The following NEURL4 variants were observed in gnomAD, a reference collection of about 807,000 sequenced individuals.
The protein encoded by NEURL4 is neuralized E3 ubiquitin protein ligase 4.
In NEURL4, 45 loss-of-function variants were observed where a neutral mutation model predicts 148.0. The ratio of observed to expected loss-of-function variants is 0.30; its 90% confidence interval spans 0.24 to 0.39. The LOEUF is 0.39. Among genes scored for constraint, NEURL4 ranks in the 10% least tolerant of loss-of-function variants. The pLI, the probability that NEURL4 is intolerant of heterozygous loss-of-function variation, is 1.00. For missense variants in NEURL4, 1,776 were observed against 2,144.0 expected (o/e 0.83, Z 3.39); for synonymous variants, 854 against 869.0 (o/e 0.98, Z 0.30).
chr17:7,318,145 G>A lies in NEURL4; in HGVS notation c.3980C>T (p.Pro1327Leu), dbSNP rs762925844. Residue 1327 changes from proline to leucine, a missense_variant, in exon 25 of 29, where the codon CCA (proline) becomes CTA (leucine). Physicochemically the swap from Pro to Leu is moderately conservative, Grantham distance 98. Coordinates refer to ENST00000399464, the MANE Select transcript of NEURL4 (RefSeq NM_032442.3). This position sits in a 1 kb window ranked among gnomAD's most constrained non-coding sequence, Gnocchi z 4.3. ...CTTTAGAGGACTAGCGGCAGGTGGTGGACCCCAGCACACACTCTCTTTGAT... is the reference window on the plus strand; with the variant it reads ...CTTTAGAGGACTAGCGGCAGGTGGTAGACCCCAGCACACACTCTCTTTGAT... ...DGIKESVCWG[P>L]PPAASPLKSC... 5 of 1,614,148 alleles carry A rather than the reference G, an allele frequency of 3.1e-6. No homozygotes were observed. The highest frequency in any genetic ancestry group is 1.1e-5 in the South Asian group (1 of 91,082).
rs764529606 is a variant in NEURL4, at chr17:7,326,425, C to G, written c.1204+12G>C. 2.5e-6 allele frequency: 4 copies of G among 1,613,636 alleles called. No homozygotes were observed. The highest frequency in any genetic ancestry group is 2.5e-6 in the Non-Finnish European group (3 of 1,179,546). ...CCAGGCCTGCACCCCCGCCCCTGCC[C>G]GGGGCTGGTACCTGACTGGAGGTTG... On this transcript the variant is annotated intron_variant, in intron 5 of 28. Coordinates refer to ENST00000399464, the MANE Select transcript of NEURL4 (RefSeq NM_032442.3). The surrounding 1 kb of genome is among the most constrained non-coding windows in gnomAD (Gnocchi z 6.0).
rs1477982297 is a variant in NEURL4 at position 7,318,640 on chromosome 17, C to T, written c.3719G>A (p.Cys1240Tyr). The change falls in exon 23 of 29, where the codon TGC becomes TAC. Residue 1240 changes from cysteine to tyrosine, a missense_variant. By Grantham distance (194) the Cys-to-Tyr change is radical (BLOSUM62 -2). Transcript: ENST00000399464. The surrounding 1 kb of genome is among the most constrained non-coding windows in gnomAD (Gnocchi z 4.3). ...CEKFGPNLDT[C>Y]PEGTILGLRL... ...CAGTCCCAGGATGGTGCCTTCAGGG[C>T]ACGTGTCCAGATTGGGCCCAAACTT... 4 of 1,612,776 alleles carry T rather than the reference C, an allele frequency of 2.5e-6. No individual in the cohort carries two copies. Among genetic ancestry groups the T allele is most frequent in the Non-Finnish European group, 3.4e-6 (4 of 1,179,334 alleles).
In NEURL4 at chr17:7,325,326, C is replaced by A. The variant is rs768354079; in HGVS notation, c.1514G>T (p.Gly505Val). ...GGCAGGGGCAGCACGGCGGAGAGCACCCTCGGGGGACAGCGCCCGCAGGAT... is the reference window on the plus strand; with the variant it reads ...GGCAGGGGCAGCACGGCGGAGAGCAACCTCGGGGGACAGCGCCCGCAGGAT... ...NAILRALSPE[G>V]ALRRAAPAAQ... The change falls in exon 8 of 29, where the codon GGT becomes GTT. Residue 505 changes from glycine (G) to valine (V), a missense_variant. By Grantham distance (109) the Gly-to-Val change is moderately radical (BLOSUM62 -3). Transcript: ENST00000399464. 6.2e-7 allele frequency: 1 copy of A among 1,613,340 alleles called. No homozygotes were observed. The highest frequency in any genetic ancestry group is 1.1e-5 in the South Asian group (1 of 91,066).
At chr17:7,316,790 T>C (rs1323303641) in intron 28 of NEURL4, among the ~76,000 whole-genome samples, 1 of 152,036 alleles carries the variant, frequency 6.6e-6, no homozygotes, top group African/African-American at 2.4e-5. Context: ...GGCTTGGTGG[T>C]GCGTGCCTGT....
Position 7,327,923 on chromosome 17 carries a change from ACC to A in NEURL4, c.283-41_283-40del. ...ATTGGACAGAGGCTTAGAATGGGCC[ACC>A]CCCCATTCCACAGGCCACCATATCT... On this transcript the variant is annotated intron_variant, in intron 1 of 28. Transcript: ENST00000399464. The surrounding 1 kb of genome is among the most constrained non-coding windows in gnomAD (Gnocchi z 6.6). 1 of 1,468,180 alleles carries A rather than the reference ACC, an allele frequency of 6.8e-7. No individual in the cohort carries two copies. Among genetic ancestry groups the A allele is most frequent in the Non-Finnish European group, 9.2e-7 (1 of 1,087,870 alleles). The allele number at this position is 1,468,180 out of a possible 1,614,324, so 90.9% of individuals were successfully genotyped here.
intron 21 of NEURL4, among the ~76,000 whole-genome samples, chr17:7,319,990 C>A (rs1393770438): frequency 1.4e-5 from 2 of 147,354 alleles, no homozygotes; most frequent in Admixed American, 6.8e-5. Context: ...CCACCACGCC[C>A]GGCTAATTTT....
In NEURL4 at chr17:7,324,639, C is replaced by T. The variant is rs1597637205; in HGVS notation, c.1814-159G>A. Among the ~76,000 whole-genome samples the T allele has an allele frequency of 1.3e-5, 2 of 152,350 alleles. 1 individual carries two copies. The highest frequency in any genetic ancestry group is 4.1e-4 in the South Asian group (2 of 4,834). On this transcript the variant is annotated intron_variant, in intron 9 of 28. Transcript: ENST00000399464. The surrounding 1 kb of genome is among the most constrained non-coding windows in gnomAD (Gnocchi z 5.9). Reference sequence around the variant, plus strand: ...GCAGGACAAGAAAACTCTGCAGCTTCCAAGACAGCCACAGCCCTGCCCACG... The same window carrying T: ...GCAGGACAAGAAAACTCTGCAGCTTTCAAGACAGCCACAGCCCTGCCCACG...
rs769044609 is a variant in NEURL4 at position 7,326,584 on chromosome 17, G to A, written c.1093-36C>T. 12 of 1,609,832 alleles carry A rather than the reference G, an allele frequency of 7.5e-6. No individual in the cohort carries two copies. Among genetic ancestry groups the A allele is most frequent in the Middle Eastern group, 1.6e-4 (1 of 6,082 alleles). On this transcript the variant is annotated intron_variant, in intron 4 of 28. Transcript: ENST00000399464. The surrounding 1 kb of genome is among the most constrained non-coding windows in gnomAD (Gnocchi z 6.0). The stretch of plus-strand genomic sequence containing the variant: ...GGGACAGAAGGGAGAAGCAGGGAAT[G>A]TAAATGCAGAAAGGGACCTTCAGCC...
intron 14 of NEURL4, 102 bp from the exon 15 acceptor site, chr17:7,323,225 G>C: frequency 7.6e-7 from 1 of 1,320,672 alleles, no homozygotes; most frequent in Non-Finnish European, 1.1e-6. Flanking sequence ...TCTTGGGCTG[G>C]TGTCTTGATC....
Position 7,319,374 on chromosome 17 carries a change from CTTTTT to C in NEURL4, c.3526-171_3526-167del, listed in dbSNP as rs374281551. 6.3e-4 allele frequency among the ~76,000 whole-genome samples: 72 copies of C among 113,920 alleles called. No homozygotes were observed. The East Asian group carries it at 7.5e-3, about 12-fold the overall frequency. The allele number at this position is 113,920 out of a possible 152,430, so 74.7% of individuals were successfully genotyped here. A position where few individuals can be genotyped will look rare whatever the true frequency, so the allele number is the denominator to read the frequency against. On this transcript the variant is annotated intron_variant, in intron 21 of 28. Coordinates refer to ENST00000399464, the MANE Select transcript of NEURL4 (RefSeq NM_032442.3). ...CGCTAATTTAGTTGTTTCTTTCCCTCTTTTTTTTTTTTTTTTTTTTTTTTTTTTTA... is the reference window on the plus strand; with the variant it reads ...CGCTAATTTAGTTGTTTCTTTCCCTCTTTTTTTTTTTTTTTTTTTTTTTTA...
Position 7,326,846 on chromosome 17 carries a change from G to C in NEURL4, c.957C>G (p.Leu319=), listed in dbSNP as rs1345856335. The change falls in exon 4 of 29, where the codon CTC becomes CTG. Residue 319 remains leucine (L), a synonymous_variant. Coordinates refer to ENST00000399464, the MANE Select transcript of NEURL4 (RefSeq NM_032442.3). This position sits in a 1 kb window ranked among gnomAD's most constrained non-coding sequence, Gnocchi z 6.0. ...SPILTSNDAL[L]FHEKCGTLIK... ...TGAGGGTCCCGCACTTTTCATGAAA[G>C]AGCAGGGCATCGTTGGAAGTGAGAA... 1 of 1,613,934 alleles carries C rather than the reference G, an allele frequency of 6.2e-7. No homozygotes were observed. Among genetic ancestry groups the C allele is most frequent in the South Asian group, 1.1e-5 (1 of 91,066 alleles).
Position 7,317,530 on chromosome 17 carries a change from G to A in NEURL4, c.4249C>T (p.His1417Tyr). ...LEAGTLTKKW[H>Y]MAYHGSNVAA... ...ACATTGCTCCCGTGATATGCCATGTGCCACTTCTTGGTTAGTGTCCCAGCC... is the reference window on the plus strand; with the variant it reads ...ACATTGCTCCCGTGATATGCCATGTACCACTTCTTGGTTAGTGTCCCAGCC... Residue 1417 changes from histidine (H) to tyrosine (Y), a missense_variant, in exon 27 of 29, where the codon CAC becomes TAC. Physicochemically the swap from His to Tyr is moderately conservative, Grantham distance 83 (BLOSUM62 2). Coordinates refer to ENST00000399464, the MANE Select transcript of NEURL4 (RefSeq NM_032442.3). 1 of 1,614,168 alleles carries A rather than the reference G, an allele frequency of 6.2e-7. No homozygotes were observed. Among genetic ancestry groups the A allele is most frequent in the Non-Finnish European group, 8.5e-7 (1 of 1,180,020 alleles).
In NEURL4 at chr17:7,321,014, C is replaced by G; in HGVS notation, c.3361-91G>C. 1 of 1,590,852 alleles carries G rather than the reference C, an allele frequency of 6.3e-7. No homozygotes were observed. Among genetic ancestry groups the G allele is most frequent in the African/African-American group, 1.3e-5 (1 of 74,370 alleles). On this transcript the variant is annotated intron_variant, in intron 20 of 28. Transcript: ENST00000399464. The surrounding 1 kb of genome is among the most constrained non-coding windows in gnomAD (Gnocchi z 6.3). The stretch of plus-strand genomic sequence containing the variant: ...GTTTGCACAGATCCTGAGTGTGAGC[C>G]TCCACCCAACGATCAGAGAACCCAG...
At position 7,326,953 on chromosome 17, in the gene NEURL4, T is replaced by C. The variant is rs540523732; in HGVS notation, c.850A>G (p.Asn284Asp). ...AGGTTCACATTCAGGAGCCCTCCAT[T>C]GTAGGCAGACAGGATGGTGTTGCTC... is the stretch of plus-strand genomic sequence containing the variant. ...VVSNTILSAY[N>D]GGLLNVNLSS... The change falls in exon 4 of 29, where the codon AAT (asparagine) becomes GAT (aspartate). Residue 284 changes from asparagine (N) to aspartate (D), a missense_variant. Physicochemically the swap from Asn to Asp is conservative, Grantham distance 23. Coordinates refer to ENST00000399464, the MANE Select transcript of NEURL4 (RefSeq NM_032442.3). The surrounding 1 kb of genome is among the most constrained non-coding windows in gnomAD (Gnocchi z 6.0). 6.2e-6 allele frequency: 10 copies of C among 1,613,600 alleles called. No homozygotes were observed. In the South Asian group the frequency reaches 1.1e-4, roughly 18 times the overall value.
Position 7,327,300 on chromosome 17 carries a change from C to T in NEURL4, c.728-70G>A. On this transcript the variant is annotated intron_variant, in intron 2 of 28. Transcript: ENST00000399464. This position sits in a 1 kb window ranked among gnomAD's most constrained non-coding sequence, Gnocchi z 6.6. ...GCTTCACGGCCCATAGCCAGGAGAA[C>T]CCCCCATCCTCTAGCTCCTGCTCTC... The T allele has an allele frequency of 6.8e-7, 1 of 1,480,298 alleles. No homozygotes were observed. The highest frequency in any genetic ancestry group is 1.3e-5 in the South Asian group (1 of 76,016). 91.7% of individuals were successfully genotyped at this position (1,480,298 alleles called of 1,614,324 possible).
chr17:7,327,070 A>G lies in NEURL4; in HGVS notation c.794-61T>C. ...TTGGGATGAGGCTCTACACCCCCAG[A>G]CCTGGTGCCTCTCTCCCTACCCCTT... On this transcript the variant is annotated intron_variant, in intron 3 of 28. Coordinates refer to ENST00000399464, the MANE Select transcript of NEURL4 (RefSeq NM_032442.3). This position sits in a 1 kb window ranked among gnomAD's most constrained non-coding sequence, Gnocchi z 6.6. 28 of 1,599,462 alleles carry G rather than the reference A, an allele frequency of 1.8e-5. No homozygotes were observed. Among genetic ancestry groups the G allele is most frequent in the Non-Finnish European group, 2.1e-5 (25 of 1,174,456 alleles).
chr17:7,324,448 G>A lies in NEURL4; in HGVS notation c.1846C>T (p.His616Tyr), dbSNP rs369330691. 3.7e-6 allele frequency: 6 copies of A among 1,614,176 alleles called. No homozygotes were observed. The highest frequency in any genetic ancestry group is 3.4e-6 in the Non-Finnish European group (4 of 1,180,010). ...TWMMTGNGVM[H>Y]NGTTILDEYG... ...TCATCCAGGATGGTCGTCCCATTGTGCATCACCCCATTCCCAGTCATCATC... is the reference window on the plus strand; with the variant it reads ...TCATCCAGGATGGTCGTCCCATTGTACATCACCCCATTCCCAGTCATCATC... Residue 616 changes from histidine to tyrosine, a missense_variant, in exon 10 of 29, where the codon CAC (histidine) becomes TAC (tyrosine). His to Tyr is a moderately conservative substitution (Grantham distance 83). Transcript: ENST00000399464. This position sits in a 1 kb window ranked among gnomAD's most constrained non-coding sequence, Gnocchi z 5.9.
chr17:7,325,323 G>A lies in NEURL4; in HGVS notation c.1517C>T (p.Ala506Val). Residue 506 changes from alanine (A) to valine (V), a missense_variant, in exon 8 of 29, where the codon GCT becomes GTT. Coordinates refer to ENST00000399464, the MANE Select transcript of NEURL4 (RefSeq NM_032442.3). ...GGCGGCAGGGGCAGCACGGCGGAGAGCACCCTCGGGGGACAGCGCCCGCAG... is the reference window on the plus strand; with the variant it reads ...GGCGGCAGGGGCAGCACGGCGGAGAACACCCTCGGGGGACAGCGCCCGCAG... ...AILRALSPEGALRRAAPAAQA... is the reference protein window; with the variant it reads ...AILRALSPEGVLRRAAPAAQA... The A allele has an allele frequency of 6.2e-7, 1 of 1,613,106 alleles. No individual in the cohort carries two copies. The highest frequency in any genetic ancestry group is 1.1e-5 in the South Asian group (1 of 91,048).
chr17:7,326,632 C>G lies in NEURL4; in HGVS notation c.1092+79G>C, dbSNP rs1391008432. The G allele has an allele frequency of 1.2e-6, 2 of 1,605,350 alleles. No individual in the cohort carries two copies. Among genetic ancestry groups the G allele is most frequent in the African/African-American group, 2.7e-5 (2 of 74,706 alleles). On this transcript the variant is annotated intron_variant, in intron 4 of 28. Coordinates refer to ENST00000399464, the MANE Select transcript of NEURL4 (RefSeq NM_032442.3). This position sits in a 1 kb window ranked among gnomAD's most constrained non-coding sequence, Gnocchi z 6.0. ...GCCCTTGGTTCTTCCCCAGGGCCCA[C>G]CCTCCTAGCACCAAGGGTCAATCCC... is the stretch of plus-strand genomic sequence containing the variant.
Sources: allele counts gnomAD v4.1 joint callset (sites outside exome capture counted in the v4.1 genomes callset), GRCh38; gene constraint gnomAD v4.1.1; non-coding constraint Gnocchi (gnomAD v3.1); transcripts MANE v1.5; gene names NCBI Gene and HGNC (gene_info 2026-07-23, HGNC 2026-07-21).